The following ACACA variants were observed in gnomAD, a reference collection of about 807,000 sequenced individuals.
ACACA encodes the protein acetyl-CoA carboxylase alpha, also known as acetyl-CoA carboxylase 1.
ACACA carries 103 observed loss-of-function variants against 296.1 expected under a neutral mutation model. The observed-to-expected ratio is 0.35, with a 90% CI of 0.30 to 0.41. ACACA has a LOEUF of 0.41. Among genes scored for constraint, ACACA ranks in the 10% least tolerant of loss-of-function variants. ACACA has a pLI of 1.00. For synonymous variants in ACACA, 953 were observed against 1,038.6 expected (o/e 0.92, Z 1.58); for missense variants, 1,554 against 2,989.7 (o/e 0.52, Z 11.20).
Position 37,274,309 on chromosome 17 carries a change from ACAATAG to A in ACACA, c.902-16_902-11del. 1.2e-6 allele frequency: 2 copies of A among 1,603,842 alleles called. No homozygotes were observed. The highest frequency in any genetic ancestry group is 1.7e-6 in the Non-Finnish European group (2 of 1,170,650). ...CAGTCCACACGAAGACCTGCAACAG[ACAATAG>A]CAACTTAGGGCAATTACAAGATCTT... On this transcript the variant is annotated splice_polypyrimidine_tract_variant and intron_variant, in intron 8 of 55. Transcript: ENST00000616317.
At chr17:37,341,869 C>A (rs1052181466) in intron 1 of ACACA, among the ~76,000 whole-genome samples, 1 of 151,894 alleles carries the variant, frequency 6.6e-6, no homozygotes, top group African/African-American at 2.4e-5. Flanking sequence ...CAAAAATGTA[C>A]CCTCATACAA....
chr17:37,361,894 G>A lies in ACACA; in HGVS notation c.39-22044C>T, dbSNP rs142815027. 7.0e-4 allele frequency among the ~76,000 whole-genome samples: 107 copies of A among 152,312 alleles called. No individual in the cohort carries two copies. The East Asian group carries it at 0.015, about 21-fold the overall frequency. On this transcript the variant is annotated intron_variant, in intron 1 of 55. Coordinates refer to ENST00000616317, the MANE Select transcript of ACACA (RefSeq NM_198834.3). Reference sequence around the variant, plus strand: ...TACATTTCTAGAAGCTGATACTAGAGGTCTGTTATGGGCTGAATTGTATCC... The same window carrying A: ...TACATTTCTAGAAGCTGATACTAGAAGTCTGTTATGGGCTGAATTGTATCC...
At chr17:37,365,824 G>T in intron 1 of ACACA, 1 of 752,436 alleles carries the variant, frequency 1.3e-6, no homozygotes, top group Middle Eastern at 6.8e-4. Flanking sequence ...GTTTTCACAT[G>T]GACACAGGGT....
intron 42 of ACACA, among the ~76,000 whole-genome samples, chr17:37,158,683 T>C (rs1407107845): frequency 6.6e-6 from 1 of 151,932 alleles, no homozygotes; most frequent in Non-Finnish European, 1.5e-5. Context: ...GGAAGGTGAA[T>C]AGGAAAAGAG....
At chr17:37,364,570 G>A (rs1368150564) in intron 1 of ACACA, among the ~76,000 whole-genome samples, 15 of 140,278 alleles carry the variant, frequency 1.1e-4, no homozygotes, top group Admixed American at 3.0e-4. Flanking sequence ...CAGCCTGGGA[G>A]ACAGAGAGAG....
chr17:37,149,727 A>G, intron 45 of ACACA, 137 bp downstream of exon 45: 1 of 742,600 alleles, frequency 1.3e-6, no homozygotes, highest in Non-Finnish European at 2.4e-6. Flanking sequence ...GGCAGAAAAG[A>G]TGGAGGGAGA....
rs1001536319 is a variant in ACACA at position 37,230,281 on chromosome 17, G to A, written c.3247-3829C>T. On this transcript the variant is annotated intron_variant, in intron 25 of 55. Coordinates refer to ENST00000616317, the MANE Select transcript of ACACA (RefSeq NM_198834.3). ...TGCCTGTTATCCCAGCTACTCAGGA[G>A]GCTGAGGCAGGAGAATCGCTTGAAC... Among the ~76,000 whole-genome samples the A allele has an allele frequency of 4.6e-5, 7 of 151,540 alleles. No homozygotes were observed. The East Asian group carries it at 1.4e-3, about 29-fold the overall frequency.
intron 50 of ACACA, among the ~76,000 whole-genome samples, chr17:37,120,281 T>A (rs2074464701): frequency 6.6e-6 from 1 of 151,936 alleles, no homozygotes; most frequent in Non-Finnish European, 1.5e-5. Context: ...TTTCCTTTTT[T>A]TTGAGACAGA....
At chr17:37,358,235 C>T (rs569057650) in intron 1 of ACACA, among the ~76,000 whole-genome samples, 5 of 152,322 alleles carry the variant, frequency 3.3e-5, no homozygotes, top group African/African-American at 1.2e-4. Flanking sequence ...TTAGTGTCCA[C>T]TCTCCCACTC....
At position 37,171,843 on chromosome 17, in the gene ACACA, T is replaced by C. The variant is rs1038307035; in HGVS notation, c.5079+7417A>G. On this transcript the variant is annotated intron_variant, in intron 41 of 55. Transcript: ENST00000616317. ...TGTACACACAGTAATTTAATAAGCA[T>C]AGGAATTATTTTTTAACAAACATGC... 4.6e-5 allele frequency among the ~76,000 whole-genome samples: 7 copies of C among 152,138 alleles called. No individual in the cohort carries two copies. The South Asian group carries it at 8.3e-4, about 18-fold the overall frequency.
chr17:37,387,819 G>T (rs1028883105), intron 1 of ACACA: 1 of 151,976 alleles, frequency 6.6e-6, no homozygotes, highest in South Asian at 2.1e-4. Flanking sequence ...TCCAATTTGG[G>T]TTACATCCTA....
At chr17:37,277,298 A>T (rs561578230) in intron 6 of ACACA, among the ~76,000 whole-genome samples, 184 bp from the exon 7 acceptor site, 11 of 152,332 alleles carry the variant, frequency 7.2e-5, no homozygotes, top group Middle Eastern at 3.4e-3. Context: ...TAAGTAGTCC[A>T]TTGTGGCAAG....
At chr17:37,222,175 A>G (rs2079324889) in intron 28 of ACACA, 1 of 354,134 alleles carries the variant, frequency 2.8e-6, no homozygotes, top group Admixed American at 4.3e-5. Context: ...TAATCTATTA[A>G]GCATGATCAT....
chr17:37,255,843 T>C (rs1287344050), intron 14 of ACACA, among the ~76,000 whole-genome samples: 3 of 152,130 alleles, frequency 2.0e-5, no homozygotes, highest in African/African-American at 7.2e-5. Context: ...GCCTCCTGGG[T>C]TCCAGTGATT....
Position 37,202,547 on chromosome 17 carries a change from G to T in ACACA, c.4057-2064C>A, listed in dbSNP as rs572108540. Among the ~76,000 whole-genome samples the T allele has an allele frequency of 3.0e-4, 45 of 150,912 alleles. No homozygotes were observed. In the South Asian group the frequency reaches 4.2e-3, roughly 14 times the overall value. On this transcript the variant is annotated intron_variant, in intron 33 of 55. Coordinates refer to ENST00000616317, the MANE Select transcript of ACACA (RefSeq NM_198834.3). ...ATCAACCTATTTGATAGTTTAATGT[G>T]TGCCTTAAAAAAAAAAACTTTTTCT...
Position 37,130,057 on chromosome 17 carries a change from T to C in ACACA, c.5823+18A>G, listed in dbSNP as rs1349437546. ...CAGGCTCTGCAGGCCATGTCAGTGC[T>C]GGGTAGGAAGGGCTCACCTTGGGCA... On this transcript the variant is annotated intron_variant, in intron 46 of 55. Transcript: ENST00000616317. 3.7e-6 allele frequency: 6 copies of C among 1,613,862 alleles called. No individual in the cohort carries two copies. The highest frequency in any genetic ancestry group is 5.1e-6 in the Non-Finnish European group (6 of 1,179,914).
At chr17:37,344,250 G>A (rs1417917173) in intron 1 of ACACA, among the ~76,000 whole-genome samples, 3 of 151,678 alleles carry the variant, frequency 2.0e-5, no homozygotes, top group East Asian at 1.9e-4. Context: ...ACACCATGGC[G>A]AAAACTGTCT....
At chr17:37,125,636 G>A (rs760510690) in intron 48 of ACACA, 62 bp downstream of exon 48, 6 of 1,344,992 alleles carry the variant, frequency 4.5e-6, no homozygotes, top group Non-Finnish European at 6.4e-6. Context: ...TAGAGCCATG[G>A]CTCTTTCTTT....
chr17:37,205,918 T>G, intron 32 of ACACA, 46 bp from the exon 33 acceptor site: 1 of 1,376,488 alleles, frequency 7.3e-7, no homozygotes, highest in East Asian at 2.3e-5. Context: ...GGCTGGCCAA[T>G]ACAGATGCAG....
Sources: gnomAD v4.1 joint callset for allele counts (sites outside exome capture counted in the v4.1 genomes callset) on GRCh38, gnomAD v4.1.1 for gene constraint, MANE v1.5 for transcripts, NCBI Gene and HGNC (gene_info 2026-07-23, HGNC 2026-07-21) for gene names.